Variants in SERGEF observed in about 807,000 individuals in gnomAD.
SERGEF encodes the protein secretion regulating guanine nucleotide exchange factor, also known as secretion-regulating guanine nucleotide exchange factor.
SERGEF carries 51 observed loss-of-function variants against 50.0 expected under a neutral mutation model. The ratio of observed to expected loss-of-function variants is 1.02; its 90% CI spans 0.81 to 1.29. The LOEUF (loss-of-function observed/expected upper bound fraction) is 1.29, where lower values mean the gene tolerates loss of function less well. Ranked by LOEUF, SERGEF falls within the 50% of genes most tolerant of loss-of-function variation. The pLI, the probability that SERGEF is intolerant of heterozygous loss-of-function variation, is 0.00. For synonymous variants in SERGEF, 205 were observed against 212.4 expected, an observed-to-expected ratio of 0.97 and a Z score of 0.30; for missense variants, 521 against 557.0, an observed-to-expected ratio of 0.94 and a Z score of 0.65.
chr11:17,898,241 G>A (rs896414677), intron 9 of SERGEF, among the ~76,000 whole-genome samples: 7 of 152,232 alleles, frequency 4.6e-5, no homozygotes. Context: ...CTAAAGTGAA[G>A]CTGTGAACAT....
intron 9 of SERGEF, among the ~76,000 whole-genome samples, chr11:17,938,924 T>C (rs975746727): frequency 1.3e-5 from 2 of 152,152 alleles, no homozygotes; most frequent in African/African-American, 4.8e-5. Context: ...AAAAAATCAA[T>C]TGCTACCTTG....
chr11:17,922,296 C>G (rs751287225), intron 9 of SERGEF, among the ~76,000 whole-genome samples: 95 of 152,324 alleles, frequency 6.2e-4, no homozygotes, highest in Admixed American at 1.8e-3. Context: ...CACACACTCA[C>G]AGAGAGGGCT....
At chr11:17,875,407 A>G (rs2133895715) in intron 10 of SERGEF, among the ~76,000 whole-genome samples, 1 of 152,352 alleles carries the variant, frequency 6.6e-6, no homozygotes, top group South Asian at 2.1e-4. Context: ...GGATTAGTTT[A>G]AAATGCCATA....
Position 18,012,979 on chromosome 11 carries a change from G to A in SERGEF, c.32C>T (p.Ala11Val), listed in dbSNP as rs1383678076. Residue 11 changes from alanine to valine, a missense_variant, in exon 1 of 11, where the codon GCC (alanine) becomes GTC (valine). By Grantham distance (64) the Ala-to-Val change is moderately conservative. Coordinates refer to ENST00000265965, the MANE Select transcript of SERGEF (RefSeq NM_012139.4). MEREPSASEA[A>V]PAAAALFAWG... ...GGCGAAGAGCGCGGCCGCCGCGGGGGCGGCCTCCGAGGCGCTGGGCTCGCG... is the reference window on the plus strand; with the variant it reads ...GGCGAAGAGCGCGGCCGCCGCGGGGACGGCCTCCGAGGCGCTGGGCTCGCG... 28 of 1,469,582 alleles carry A rather than the reference G, an allele frequency of 1.9e-5. No homozygotes were observed. The highest frequency in any genetic ancestry group is 2.5e-5 in the Non-Finnish European group (28 of 1,120,086). 91.0% of individuals were successfully genotyped at this position (1,469,582 alleles called of 1,614,324 possible).
chr11:18,003,485 T>G (rs1002073820), intron 4 of SERGEF, among the ~76,000 whole-genome samples: 3 of 152,268 alleles, frequency 2.0e-5, no homozygotes, highest in Non-Finnish European at 2.9e-5. Context: ...AAGTAAAAAA[T>G]GCATACCAGA....
chr11:17,999,620 T>C (rs1273409608), intron 5 of SERGEF: 2 of 453,368 alleles, frequency 4.4e-6, no homozygotes, highest in Admixed American at 2.4e-5. Context: ...AGGGGAGAGA[T>C]AAAAGGGTCA....
chr11:17,980,036 A>G (rs1853462739), intron 8 of SERGEF, among the ~76,000 whole-genome samples: 1 of 152,204 alleles, frequency 6.6e-6, no homozygotes, highest in African/African-American at 2.4e-5. Flanking sequence ...ACTCTGAATG[A>G]AAGAAATCAG....
intron 9 of SERGEF, among the ~76,000 whole-genome samples, chr11:17,917,346 C>T (rs1242739570): frequency 6.6e-6 from 1 of 152,122 alleles, no homozygotes; most frequent in South Asian, 2.1e-4. Flanking sequence ...TGTTCTCACT[C>T]ATAAGTGGGA....
intron 7 of SERGEF, among the ~76,000 whole-genome samples, chr11:17,992,049 C>G (rs914600046): frequency 1.3e-5 from 2 of 152,140 alleles, no homozygotes; most frequent in Admixed American, 6.6e-5. Flanking sequence ...CAAGAAAATG[C>G]TGCATTGCCT....
chr11:17,807,883 C>T (rs1849792306), intron 10 of SERGEF, among the ~76,000 whole-genome samples: 1 of 152,174 alleles, frequency 6.6e-6, no homozygotes, highest in Admixed American at 6.5e-5. Context: ...CAGTCCTGCC[C>T]ACTTAAGGGA....
chr11:17,973,089 C>A (rs879937689), intron 8 of SERGEF, among the ~76,000 whole-genome samples: 6 of 151,988 alleles, frequency 3.9e-5, no homozygotes, highest in Non-Finnish European at 7.4e-5. Flanking sequence ...ACTCACAGTA[C>A]CCAAGCTGAA....
chr11:17,959,150 T>G (rs558201794), intron 9 of SERGEF, among the ~76,000 whole-genome samples: 2 of 152,314 alleles, frequency 1.3e-5, no homozygotes, highest in South Asian at 2.1e-4. Context: ...ATTACAGGCG[T>G]GAGCCACCGT....
Position 18,004,443 on chromosome 11 carries a change from C to T in SERGEF, c.445G>A (p.Glu149Lys). 6.2e-7 allele frequency: 1 copy of T among 1,612,116 alleles called. No individual in the cohort carries two copies. Among genetic ancestry groups the T allele is most frequent in the Non-Finnish European group, 8.5e-7 (1 of 1,178,434 alleles). The change falls in exon 4 of 11, where the codon GAG becomes AAG. Residue 149 changes from glutamate to lysine, a missense_variant and splice_region_variant. Glu to Lys is a moderately conservative substitution (Grantham distance 56, BLOSUM62 1). Coordinates refer to ENST00000265965, the MANE Select transcript of SERGEF (RefSeq NM_012139.4). ...PRRCVVPQAI[E>K]LHKEKVVCIA... ...AGCTAAATATTAACTGTCCTCACCT[C>T]AATGGCCTGGGGAACCACACATCTT...
chr11:17,967,847 GGTCAGCCTGCAACACCT>G (rs929018306), intron 8 of SERGEF, among the ~76,000 whole-genome samples: 4 of 152,182 alleles, frequency 2.6e-5, no homozygotes, highest in Non-Finnish European at 5.9e-5. Context: ...TCACAATGCT[GGTCAGCCTGCAACACCT>G]GTCAGCCTGC....
intron 10 of SERGEF, among the ~76,000 whole-genome samples, chr11:17,821,121 C>T (rs1383175867): frequency 6.6e-6 from 1 of 152,094 alleles, no homozygotes; most frequent in Admixed American, 6.5e-5. Context: ...CCTGGAAACA[C>T]CAGAAGATGG....
chr11:17,804,520 T>C (rs898081044), intron 10 of SERGEF, among the ~76,000 whole-genome samples: 1 of 152,074 alleles, frequency 6.6e-6, no homozygotes, highest in Non-Finnish European at 1.5e-5. Flanking sequence ...ATTTGTTAGG[T>C]GCCTTCCTTC....
intron 10 of SERGEF, among the ~76,000 whole-genome samples, chr11:17,836,567 C>A (rs1319719336): frequency 3.3e-5 from 5 of 152,166 alleles, no homozygotes; most frequent in African/African-American, 1.2e-4. Flanking sequence ...CCAGTACCCT[C>A]AACATGCCAC....
chr11:17,917,311 C>G (rs1852067499), intron 9 of SERGEF, among the ~76,000 whole-genome samples: 1 of 152,168 alleles, frequency 6.6e-6, no homozygotes, highest in Non-Finnish European at 1.5e-5. Context: ...TGAAGTAACT[C>G]AGGAATGGAA....
intron 8 of SERGEF, among the ~76,000 whole-genome samples, chr11:17,979,140 G>C (rs976941383): frequency 1.3e-5 from 2 of 152,174 alleles, no homozygotes; most frequent in African/African-American, 4.8e-5. Context: ...TCCCAGGCCA[G>C]TACACGGTTT....
Sources: allele counts gnomAD v4.1 joint callset (sites outside exome capture counted in the v4.1 genomes callset), GRCh38; gene constraint gnomAD v4.1.1; transcripts MANE v1.5; gene names NCBI Gene and HGNC (gene_info 2026-07-23, HGNC 2026-07-21).